The following PCDHGA4 variants were observed in gnomAD, a reference collection of about 807,000 sequenced individuals.
The protein encoded by PCDHGA4 is protocadherin gamma subfamily A, 4, also known as protocadherin gamma-A4.
PCDHGA4 carries 38 observed loss-of-function variants against 54.6 expected under a neutral mutation model. The observed-to-expected ratio is 0.70, with a 90% CI of 0.54 to 0.91. The LOEUF is 0.91. PCDHGA4 is among the 40% of genes least tolerant of loss of function. The pLI is 0.00. For synonymous variants in PCDHGA4, 511 were observed against 512.9 expected (o/e 1.00, Z 0.05); for missense variants, 1,298 against 1,220.9 (o/e 1.06, Z -0.94).
intron 1 of PCDHGA4, among the ~76,000 whole-genome samples, chr5:141,492,421 C>G (rs986772215): frequency 5.9e-5 from 9 of 152,250 alleles, no homozygotes; most frequent in African/African-American, 1.9e-4. Context: ...CTCCCTCCGC[C>G]GGGCTCAGGA....
At chr5:141,409,133 G>A in intron 1 of PCDHGA4, 1 of 1,614,002 alleles carries the variant, frequency 6.2e-7, no homozygotes, top group Non-Finnish European at 8.5e-7. Flanking sequence ...TGATTTTGAA[G>A]ATGTAGAAAG....
intron 1 of PCDHGA4, chr5:141,366,227 C>G (rs1217431580): frequency 6.2e-7 from 1 of 1,613,816 alleles, no homozygotes; most frequent in South Asian, 1.1e-5. Context: ...GCGAGCCCTG[C>G]TGGACAGAGA....
At chr5:141,414,395 G>GAAAAGTCC (rs1226242642) in intron 1 of PCDHGA4, 1 of 1,613,924 alleles carries the variant, frequency 6.2e-7, no homozygotes, top group South Asian at 1.1e-5. Context: ...AGTTATTACA[G>GAAAAGTCC]ATTGGTGATA....
rs371232283 is a variant in PCDHGA4, at chr5:141,390,337, C to T, written c.2514+32716C>T. ...CATTGCCTACCCATTTCTCCATATT[C>T]ACAAGAAAATATACATATTTGCAGG... On this transcript the variant is annotated intron_variant, in intron 1 of 3. Coordinates refer to ENST00000571252, the MANE Select transcript of PCDHGA4 (RefSeq NM_018917.4). 9.4e-6 allele frequency: 15 copies of T among 1,595,800 alleles called. No homozygotes were observed. In the African/African-American group the frequency reaches 1.5e-4, roughly 16 times the overall value.
At chr5:141,498,679 C>G (rs1454800332) in intron 2 of PCDHGA4, among the ~76,000 whole-genome samples, 1 of 152,170 alleles carries the variant, frequency 6.6e-6, no homozygotes, top group Admixed American at 6.5e-5. Flanking sequence ...CGCCTGTAAT[C>G]CCAGCACTTT....
intron 1 of PCDHGA4, chr5:141,360,588 A>C (rs1761664531): frequency 1.2e-6 from 2 of 1,613,888 alleles, no homozygotes; most frequent in Non-Finnish European, 1.7e-6. Context: ...CAGGTACAAC[A>C]TTTCCACTTG....
intron 1 of PCDHGA4, chr5:141,408,465 A>C: frequency 6.2e-7 from 1 of 1,613,960 alleles, no homozygotes. Context: ...CTTGTGAAGA[A>C]CCGAATAGAC....
intron 2 of PCDHGA4, among the ~76,000 whole-genome samples, chr5:141,499,265 C>T (rs1220250999): frequency 6.6e-6 from 1 of 152,128 alleles, no homozygotes; most frequent in African/African-American, 2.4e-5. Context: ...CATTTGGTCC[C>T]TAGACTGTTC....
intron 1 of PCDHGA4, chr5:141,390,735 C>T (rs1453703867): frequency 5.3e-6 from 1 of 189,140 alleles, no homozygotes; most frequent in Non-Finnish European, 1.1e-5. Context: ...CTGGTATGGT[C>T]TCCATAGTAG....
intron 1 of PCDHGA4, chr5:141,399,563 T>G: frequency 6.2e-7 from 1 of 1,614,054 alleles, no homozygotes; most frequent in Non-Finnish European, 8.5e-7. Flanking sequence ...GACTTGGGGT[T>G]GAACGGCCAA....
chr5:141,384,035 A>G (rs774600484), intron 1 of PCDHGA4: 2 of 1,613,378 alleles, frequency 1.2e-6, no homozygotes, highest in Non-Finnish European at 1.7e-6. Context: ...TCTGGAAAGA[A>G]TGGTGAGGTG....
intron 1 of PCDHGA4, among the ~76,000 whole-genome samples, chr5:141,481,031 C>G (rs926205148): frequency 1.3e-5 from 2 of 152,108 alleles, no homozygotes; most frequent in Non-Finnish European, 2.9e-5. Flanking sequence ...GCACTCCAGC[C>G]TGGGCGACAG....
Position 141,357,234 on chromosome 5 carries a change from C to T in PCDHGA4, c.2127C>T (p.Leu709=). The change falls in exon 1 of 4, where the codon CTC becomes CTT. Residue 709 remains leucine (L), a synonymous_variant. Transcript: ENST00000571252. ...IPDVLADLGS[L]KPSADPDDSG... ...ATGTCCTGGCTGACTTGGGCAGCCT[C>T]AAGCCTTCAGCAGACCCAGACGACT... The T allele has an allele frequency of 6.2e-7, 1 of 1,613,880 alleles. No individual in the cohort carries two copies. The highest frequency in any genetic ancestry group is 8.5e-7 in the Non-Finnish European group (1 of 1,179,834).
chr5:141,438,682 A>G (rs1282726848), intron 1 of PCDHGA4, among the ~76,000 whole-genome samples: 13 of 140,730 alleles, frequency 9.2e-5, no homozygotes, highest in Admixed American at 6.6e-4. Flanking sequence ...GGAGTAGGGG[A>G]TGGAGTCTTG....
intron 1 of PCDHGA4, chr5:141,410,350 A>G (rs2154543015): frequency 1.2e-6 from 2 of 1,613,912 alleles, no homozygotes; most frequent in South Asian, 1.1e-5. Context: ...TGCGCCTGCG[A>G]CGCTCTCTCA....
chr5:141,409,357 T>A, intron 1 of PCDHGA4: 2 of 1,613,968 alleles, frequency 1.2e-6, no homozygotes, highest in Non-Finnish European at 1.7e-6. Context: ...TCAGGTGTAA[T>A]ATAGAAACAG....
chr5:141,409,220 G>A (rs1327857530), intron 1 of PCDHGA4: 1 of 1,613,988 alleles, frequency 6.2e-7, no homozygotes, highest in Non-Finnish European at 8.5e-7. Context: ...AATCCTTGAT[G>A]AAAACGACAA....
intron 1 of PCDHGA4, chr5:141,408,760 C>T: frequency 6.2e-7 from 1 of 1,610,404 alleles, no homozygotes. Flanking sequence ...GAGTTAATTC[C>T]GATGGTGGCA....
At chr5:141,378,078 T>C (rs1215089288) in intron 1 of PCDHGA4, 1 of 152,178 alleles carries the variant, frequency 6.6e-6, no homozygotes, top group South Asian at 2.1e-4. Context: ...GAAAATAATT[T>C]TATAACTTTT....
Sources: gnomAD v4.1 joint callset for allele counts (sites outside exome capture counted in the v4.1 genomes callset) on GRCh38, gnomAD v4.1.1 for gene constraint, MANE v1.5 for transcripts, NCBI Gene and HGNC (gene_info 2026-07-23, HGNC 2026-07-21) for gene names.